SOS2: variants seen among roughly 807,000 people sequenced by gnomAD.
SOS2 encodes the protein SOS Ras/Rho guanine nucleotide exchange factor 2, also known as son of sevenless homolog 2.
SOS2 carries 65 observed loss-of-function variants against 148.2 expected under a neutral mutation model. The observed-to-expected ratio is 0.44, with a 90% CI of 0.36 to 0.54. SOS2 has a LOEUF of 0.54. Ranked by LOEUF, SOS2 falls within the 20% of genes least tolerant of loss-of-function variation. The pLI is 0.00. For synonymous variants in SOS2, 539 were observed against 537.1 expected (o/e 1.00, Z -0.05); for missense variants, 1,341 against 1,590.2 (o/e 0.84, Z 2.67).
chr14:50,224,650 C>T (rs1887310003), intron 1 of SOS2, among the ~76,000 whole-genome samples: 1 of 151,884 alleles, frequency 6.6e-6, no homozygotes, highest in Non-Finnish European at 1.5e-5. Context: ...TTTGGGAGGC[C>T]AAGGCTGGAG....
intron 1 of SOS2, among the ~76,000 whole-genome samples, chr14:50,219,074 CT>C (rs1345633498): frequency 1.3e-5 from 2 of 151,394 alleles, no homozygotes; most frequent in Non-Finnish European, 2.9e-5. Flanking sequence ...GATTACACCA[CT>C]GCTCTCCAGC....
At chr14:50,228,831 T>C (rs966925657) in intron 1 of SOS2, among the ~76,000 whole-genome samples, 2 of 152,210 alleles carry the variant, frequency 1.3e-5, no homozygotes, top group East Asian at 3.8e-4. Flanking sequence ...ACTCTTAGGA[T>C]CCCGCATCAT....
intron 3 of SOS2, 51 bp from the exon 4 acceptor site, chr14:50,199,906 T>C (rs1441783613): frequency 8.5e-7 from 1 of 1,178,792 alleles, no homozygotes; most frequent in African/African-American, 1.6e-5. Context: ...TGTCAAGTAT[T>C]ACACACTTAA....
At chr14:50,148,055 A>G (rs56105865) in intron 14 of SOS2, among the ~76,000 whole-genome samples, 5,404 of 152,298 alleles carry the variant, frequency 0.035, 333 homozygotes, top group African/African-American at 0.12. Context: ...TTGTGTATAA[A>G]TAAGTACTTG....
intron 1 of SOS2, among the ~76,000 whole-genome samples, chr14:50,221,352 A>C (rs1887197096): frequency 6.6e-6 from 1 of 152,202 alleles, no homozygotes; most frequent in Admixed American, 6.5e-5. Flanking sequence ...GACACTTTCT[A>C]AACAGCCATA....
At chr14:50,119,106 T>G (rs1461799492) in intron 22 of SOS2, among the ~76,000 whole-genome samples, 1 of 152,204 alleles carries the variant, frequency 6.6e-6, no homozygotes, top group Admixed American at 6.5e-5. Flanking sequence ...TTCAGAAATT[T>G]ATGTATTTTA....
intron 7 of SOS2, among the ~76,000 whole-genome samples, chr14:50,180,146 G>A (rs965125004): frequency 6.6e-6 from 1 of 151,474 alleles, no homozygotes; most frequent in East Asian, 1.9e-4. Context: ...TGGGATTACA[G>A]GAGCTCACCA....
chr14:50,200,673 C>T (rs948932843), intron 3 of SOS2, among the ~76,000 whole-genome samples: 1 of 151,570 alleles, frequency 6.6e-6, no homozygotes, highest in East Asian at 1.9e-4. Context: ...CAGCAAGACC[C>T]TGTCTCTACT....
intron 8 of SOS2, among the ~76,000 whole-genome samples, chr14:50,174,073 C>T (rs145671770): frequency 4.8e-4 from 73 of 152,248 alleles, no homozygotes; most frequent in African/African-American, 1.7e-3. Context: ...CATCCTAAGC[C>T]ACAGCTACTT....
chr14:50,213,436 G>A (rs1047923524), intron 1 of SOS2, among the ~76,000 whole-genome samples: 2 of 152,302 alleles, frequency 1.3e-5, no homozygotes, highest in Middle Eastern at 3.4e-3. Context: ...GGTGGTTCAT[G>A]CCTATGATCT....
chr14:50,208,366 A>T (rs1393400665), intron 1 of SOS2, among the ~76,000 whole-genome samples: 1 of 151,898 alleles, frequency 6.6e-6, no homozygotes, highest in African/African-American at 2.4e-5. Context: ...AAAAAGCTAC[A>T]ATAGGCTGGG....
At chr14:50,194,394 T>C (rs1031923535) in intron 4 of SOS2, among the ~76,000 whole-genome samples, 1 of 150,992 alleles carries the variant, frequency 6.6e-6, no homozygotes, top group African/African-American at 2.4e-5. Flanking sequence ...ACTTTTAACC[T>C]AGAAGAATGC....
intron 14 of SOS2, among the ~76,000 whole-genome samples, chr14:50,148,087 T>C (rs1218079492): frequency 6.6e-6 from 1 of 152,220 alleles, no homozygotes; most frequent in East Asian, 1.9e-4. Flanking sequence ...TGAAATGTTT[T>C]CTTAAAGTGG....
chr14:50,178,861 G>A (rs556397702), intron 7 of SOS2, among the ~76,000 whole-genome samples: 2 of 151,944 alleles, frequency 1.3e-5, no homozygotes, highest in East Asian at 3.9e-4. Flanking sequence ...AGCCTCCCGA[G>A]TAGCTGGGAT....
At chr14:50,136,608 G>A (rs1452422481) in intron 18 of SOS2, among the ~76,000 whole-genome samples, 1 of 125,452 alleles carries the variant, frequency 8.0e-6, no homozygotes, top group East Asian at 2.2e-4. Context: ...TTTTTTTTTT[G>A]AGATGCAGTC....
intron 16 of SOS2, among the ~76,000 whole-genome samples, chr14:50,141,719 G>T (rs1884295377): frequency 6.6e-6 from 1 of 152,152 alleles, no homozygotes; most frequent in Non-Finnish European, 1.5e-5. Context: ...GAGAGCCAAT[G>T]CAACTCCTAT....
intron 1 of SOS2, among the ~76,000 whole-genome samples, chr14:50,211,363 A>C (rs1404861783): frequency 3.3e-5 from 5 of 152,108 alleles, no homozygotes; most frequent in Non-Finnish European, 7.4e-5. Context: ...AAGGGGGTAT[A>C]TGTGCAGATT....
At chr14:50,214,743 C>G (rs1184500503) in intron 1 of SOS2, among the ~76,000 whole-genome samples, 1 of 148,524 alleles carries the variant, frequency 6.7e-6, no homozygotes, top group East Asian at 2.0e-4. Flanking sequence ...ATGAGGCCTA[C>G]CTAAATTGCT....
At chr14:50,225,065 T>C (rs927095782) in intron 1 of SOS2, among the ~76,000 whole-genome samples, 3 of 152,294 alleles carry the variant, frequency 2.0e-5, no homozygotes, top group African/African-American at 7.2e-5. Context: ...TGTGAATGTG[T>C]AATACTTTAT....
Sources: gnomAD v4.1 joint callset for allele counts (sites outside exome capture counted in the v4.1 genomes callset) on GRCh38, gnomAD v4.1.1 for gene constraint, MANE v1.5 for transcripts, NCBI Gene and HGNC (gene_info 2026-07-23, HGNC 2026-07-21) for gene names.